Variants in RYR2 observed in about 807,000 individuals in gnomAD.
RYR2 encodes cardiac muscle ryanodine receptor-calcium release channel.
RYR2 carries 227 observed loss-of-function variants against 601.1 expected under a neutral mutation model. That is an observed-to-expected ratio of 0.38 (90% CI 0.34 to 0.42). RYR2 has a LOEUF of 0.42. Among genes scored for constraint, RYR2 ranks in the 10% least tolerant of loss-of-function variants. The probability of loss-of-function intolerance (pLI) is 1.00; values close to 1 mark genes in which losing one functional copy is unlikely to be tolerated. For missense variants in RYR2, 4,646 were observed against 6,156.5 expected (o/e 0.75, Z 8.21); for synonymous variants, 2,223 against 2,175.1 (o/e 1.02, Z -0.61).
At position 237,094,298 on chromosome 1, in the gene RYR2, G is replaced by T. The variant is rs143823803; in HGVS notation, c.48+51729G>T. On this transcript the variant is annotated intron_variant, in intron 1 of 104. Coordinates refer to ENST00000366574, the MANE Select transcript of RYR2 (RefSeq NM_001035.3). ...GGTTCTATGGGGGCTCAGTTGTACC[G>T]TAGTTACACTTTAACTTCCTCTTTC... Among the ~76,000 whole-genome samples, 441 of 152,294 alleles carry T rather than the reference G, an allele frequency of 2.9e-3. 4 individuals are homozygous for T. Among genetic ancestry groups the T allele is most frequent in the African/African-American group, 0.01 (428 of 41,564 alleles).
At chr1:237,581,314 C>T (rs1673894807) in intron 29 of RYR2, among the ~76,000 whole-genome samples, 1 of 152,120 alleles carries the variant, frequency 6.6e-6, no homozygotes, top group African/African-American at 2.4e-5. Flanking sequence ...TGGTTATAAT[C>T]AAATCCAGAA....
Position 237,641,017 on chromosome 1 carries a change from G to C in RYR2, c.7221+15G>C, listed in dbSNP as rs769997666. 1 of 1,584,852 alleles carries C rather than the reference G, an allele frequency of 6.3e-7. No individual in the cohort carries two copies. The highest frequency in any genetic ancestry group is 8.6e-7 in the Non-Finnish European group (1 of 1,159,210). On this transcript the variant is annotated intron_variant, in intron 47 of 104. Coordinates refer to ENST00000366574, the MANE Select transcript of RYR2 (RefSeq NM_001035.3). ...CTGAGATGCATGTGAGTTTCTGGGA[G>C]TTCAGGAGCAGCAATCCTGATTTCT...
intron 12 of RYR2, among the ~76,000 whole-genome samples, chr1:237,433,081 G>C (rs960359046): frequency 6.6e-6 from 1 of 151,724 alleles, no homozygotes; most frequent in Non-Finnish European, 1.5e-5. Flanking sequence ...TGTGATTCTT[G>C]TGTAATATTT....
In RYR2 at chr1:237,106,350, C is replaced by A. The variant is rs963004505; in HGVS notation, c.48+63781C>A. Among the ~76,000 whole-genome samples the A allele has an allele frequency of 1.3e-5, 2 of 152,000 alleles. No homozygotes were observed. Among genetic ancestry groups the A allele is most frequent in the Non-Finnish European group, 2.9e-5 (2 of 68,016 alleles). On this transcript the variant is annotated intron_variant, in intron 1 of 104. Coordinates refer to ENST00000366574, the MANE Select transcript of RYR2 (RefSeq NM_001035.3). This position sits in a 1 kb window ranked among gnomAD's most constrained non-coding sequence, Gnocchi z 4.4. ...CGGTGGCAGCAGGGGGAGGTGGCAC[C>A]GAGCAGCAGGACCCTGGATATTTTT...
In RYR2 at chr1:237,059,474, C is replaced by T. The variant is rs73120086; in HGVS notation, c.48+16905C>T. Among the ~76,000 whole-genome samples, 983 of 152,042 alleles carry T rather than the reference C, an allele frequency of 6.5e-3. 7 individuals are homozygous for T. The highest frequency in any genetic ancestry group is 0.022 in the African/African-American group (923 of 41,478). ...TAGCAGTACAGCTTCCAAGAAGGGC[C>T]CTGATATTGTGGATAAATGGAGTCT... On this transcript the variant is annotated intron_variant, in intron 1 of 104. Coordinates refer to ENST00000366574, the MANE Select transcript of RYR2 (RefSeq NM_001035.3).
chr1:237,593,875 A>G (rs926684559), intron 33 of RYR2, among the ~76,000 whole-genome samples: 6 of 152,218 alleles, frequency 3.9e-5, no homozygotes. Flanking sequence ...TAATGATCAT[A>G]TATTCCTTCA....
Position 237,393,279 on chromosome 1 carries a change from C to T in RYR2, c.773+5096C>T, listed in dbSNP as rs537125211. ...TATCTGGAAATAAATGCTACATTTG[C>T]TTCCCAAAATGTGACTCAGCAGGAA... is the stretch of plus-strand genomic sequence containing the variant. On this transcript the variant is annotated intron_variant, in intron 10 of 104. Coordinates refer to ENST00000366574, the MANE Select transcript of RYR2 (RefSeq NM_001035.3). Among the ~76,000 whole-genome samples the T allele has an allele frequency of 3.3e-4, 50 of 152,314 alleles. 2 individuals are homozygous for T. In the South Asian group the frequency reaches 8.7e-3, roughly 27 times the overall value.
At chr1:237,075,334 C>G (rs557662490) in intron 1 of RYR2, among the ~76,000 whole-genome samples, 1 of 151,154 alleles carries the variant, frequency 6.6e-6, no homozygotes, top group Non-Finnish European at 1.5e-5. Flanking sequence ...ACGCAGAAGA[C>G]GGGTGATTTC....
intron 12 of RYR2, among the ~76,000 whole-genome samples, chr1:237,436,280 C>T (rs1419602299): frequency 6.9e-6 from 1 of 145,296 alleles, no homozygotes; most frequent in Admixed American, 6.9e-5. Flanking sequence ...GGGTATTGTA[C>T]GGGGTGTTAG....
chr1:237,578,413 C>T (rs1299096226), intron 29 of RYR2, among the ~76,000 whole-genome samples: 3 of 152,066 alleles, frequency 2.0e-5, no homozygotes, highest in Non-Finnish European at 2.9e-5. Flanking sequence ...GAATGAATGG[C>T]TTCTCTGTAT....
chr1:237,107,628 A>C (rs945794725), intron 1 of RYR2, among the ~76,000 whole-genome samples: 1 of 152,100 alleles, frequency 6.6e-6, no homozygotes, highest in African/African-American at 2.4e-5. Context: ...ATAGATGTGA[A>C]GCTTCCGATT....
intron 99 of RYR2, among the ~76,000 whole-genome samples, chr1:237,807,441 C>G (rs1406760868): frequency 6.6e-6 from 1 of 152,160 alleles, no homozygotes; most frequent in Non-Finnish European, 1.5e-5. Context: ...ACCTCCGCCT[C>G]CCTAGGTTCA....
chr1:237,308,354 CTCTG>C (rs1210451226), intron 2 of RYR2, among the ~76,000 whole-genome samples: 2 of 152,200 alleles, frequency 1.3e-5, no homozygotes, highest in East Asian at 1.9e-4. Context: ...GAACGTCCTA[CTCTG>C]TCTATGAAGT....
Position 237,627,827 on chromosome 1 carries a change from T to C in RYR2, c.6187T>C (p.Ser2063Pro). The change falls in exon 41 of 105, where the codon TCT becomes CCT. Residue 2063 changes from serine (S) to proline (P), a missense_variant. By Grantham distance (74) the Ser-to-Pro change is moderately conservative (BLOSUM62 -1). This residue lies in a region of RYR2 where 170 missense variants were observed against 184.5 expected (regional missense o/e 0.92). Transcript: ENST00000366574. ...TGCAGCCACTCTGCAGCAGCTGATT[T>C]CTGAGACCATGGTCCGATGGGCTCA... Reference protein sequence around the residue: ...KKSSTLQQLISETMVRWAQES... With the variant: ...KKSSTLQQLIPETMVRWAQES... 2 of 1,605,380 alleles carry C rather than the reference T, an allele frequency of 1.2e-6. No individual in the cohort carries two copies. Among genetic ancestry groups the C allele is most frequent in the Non-Finnish European group, 1.7e-6 (2 of 1,173,280 alleles).
At chr1:237,742,666 A>G (rs748282529) in intron 80 of RYR2, among the ~76,000 whole-genome samples, 7 of 152,198 alleles carry the variant, frequency 4.6e-5, no homozygotes, top group Admixed American at 4.6e-4. Flanking sequence ...ACGTGAGGAA[A>G]ATATTTATTG....
chr1:237,602,666 A>T (rs68176363), intron 35 of RYR2, among the ~76,000 whole-genome samples: 37,720 of 151,886 alleles, frequency 0.25, 5,140 homozygotes, highest in East Asian at 0.6. Flanking sequence ...ATTCAGTGTA[A>T]CCGTAACAAA....
At chr1:237,458,956 T>C (rs889640742) in intron 16 of RYR2, among the ~76,000 whole-genome samples, 1 of 152,200 alleles carries the variant, frequency 6.6e-6, no homozygotes, top group African/African-American at 2.4e-5. Flanking sequence ...TTTGGAACTT[T>C]CAGACTAAAA....
intron 24 of RYR2, among the ~76,000 whole-genome samples, chr1:237,516,772 C>G (rs1316973045): frequency 1.3e-5 from 2 of 152,168 alleles, no homozygotes; most frequent in Non-Finnish European, 2.9e-5. Context: ...TGACTCTTCC[C>G]TTTGTTTCAT....
intron 93 of RYR2, chr1:237,791,766 T>C (rs1658399425): frequency 1.8e-6 from 1 of 559,126 alleles, no homozygotes; most frequent in Admixed American, 3.3e-5. Flanking sequence ...CCCAGCCTAA[T>C]TTAGCTGAAT....
Sources: allele counts gnomAD v4.1 joint callset (sites outside exome capture counted in the v4.1 genomes callset), GRCh38; gene constraint gnomAD v4.1.1; regional missense constraint gnomAD v4.1.1; non-coding constraint Gnocchi (gnomAD v3.1); transcripts MANE v1.5; gene names NCBI Gene and HGNC (gene_info 2026-07-23, HGNC 2026-07-21).